SNTG1: variants seen among roughly 807,000 people sequenced by gnomAD.
SNTG1 encodes the protein syntrophin gamma 1.
In SNTG1, 39 loss-of-function variants were observed where a neutral mutation model predicts 74.7. The observed-to-expected ratio is 0.52, with a 90% confidence interval of 0.40 to 0.68. SNTG1 has a LOEUF of 0.68. Among genes scored for constraint, SNTG1 ranks in the 30% least tolerant of loss-of-function variants. The pLI is 0.00. For synonymous variants in SNTG1, 254 were observed against 217.1 expected, an observed-to-expected ratio of 1.17 and a Z score of -1.49; for missense variants, 685 against 609.5, an observed-to-expected ratio of 1.12 and a Z score of -1.30.
chr8:50,402,653 G>T (rs2131356027), intron 4 of SNTG1, among the ~76,000 whole-genome samples: 1 of 152,258 alleles, frequency 6.6e-6, no homozygotes. Flanking sequence ...TGAGAACTGT[G>T]CATGGTGATG....
At chr8:50,394,444 G>A (rs2092702483) in intron 3 of SNTG1, among the ~76,000 whole-genome samples, 179 bp downstream of exon 3, 1 of 152,140 alleles carries the variant, frequency 6.6e-6, no homozygotes, top group Non-Finnish European at 1.5e-5. Context: ...AACTGTGCAT[G>A]GAAAGCCTTG....
intron 2 of SNTG1, among the ~76,000 whole-genome samples, chr8:50,226,663 G>GC (rs571827033): frequency 0.25 from 38,002 of 151,784 alleles, 5,319 homozygotes; most frequent in African/African-American, 0.38. Flanking sequence ...TAATCTGGAA[G>GC]CCCCCCCACC....
At chr8:50,745,491 C>T (rs982374376) in intron 17 of SNTG1, among the ~76,000 whole-genome samples, 1 of 151,982 alleles carries the variant, frequency 6.6e-6, no homozygotes, top group African/African-American at 2.4e-5. Flanking sequence ...CTCTGAAAAA[C>T]ATTTGGTGGT....
At chr8:50,476,683 A>G (rs768343980) in intron 8 of SNTG1, among the ~76,000 whole-genome samples, 2 of 152,186 alleles carry the variant, frequency 1.3e-5, no homozygotes, top group Non-Finnish European at 2.9e-5. Flanking sequence ...TTATAAACCT[A>G]CTAGATTTTT....
intron 1 of SNTG1, among the ~76,000 whole-genome samples, chr8:49,930,997 G>A (rs1807533757): frequency 6.6e-6 from 1 of 152,000 alleles, no homozygotes; most frequent in Non-Finnish European, 1.5e-5. Flanking sequence ...CCTACCTAAA[G>A]CAATAAGAAA....
chr8:49,932,775 T>G (rs1018842774), intron 1 of SNTG1, among the ~76,000 whole-genome samples: 1 of 152,098 alleles, frequency 6.6e-6, no homozygotes, highest in African/African-American at 2.4e-5. Flanking sequence ...CACTCCTCAT[T>G]CTCCTTTCCT....
intron 2 of SNTG1, among the ~76,000 whole-genome samples, chr8:50,386,003 G>T (rs1272103274): frequency 6.6e-6 from 1 of 152,170 alleles, no homozygotes; most frequent in Non-Finnish European, 1.5e-5. Flanking sequence ...ATATCTCGAG[G>T]AAAGTGGTAT....
At chr8:50,098,310 A>G (rs1012130368) in intron 1 of SNTG1, among the ~76,000 whole-genome samples, 3 of 152,198 alleles carry the variant, frequency 2.0e-5, no homozygotes, top group African/African-American at 7.2e-5. Flanking sequence ...AGATAGGGTA[A>G]TATACAGTGG....
At chr8:50,318,123 A>G (rs1315500608) in intron 2 of SNTG1, among the ~76,000 whole-genome samples, 4 of 152,004 alleles carry the variant, frequency 2.6e-5, no homozygotes. Context: ...GGCGTGAGCC[A>G]CCGAGCCCAG....
intron 1 of SNTG1, among the ~76,000 whole-genome samples, chr8:50,055,762 C>G (rs2130905394): frequency 6.6e-6 from 1 of 152,198 alleles, no homozygotes; most frequent in East Asian, 1.9e-4. Context: ...TAACTCATAA[C>G]CCATTCTTTT....
At chr8:50,548,749 T>A (rs535745729) in intron 11 of SNTG1, among the ~76,000 whole-genome samples, 1 of 152,176 alleles carries the variant, frequency 6.6e-6, no homozygotes, top group South Asian at 2.1e-4. Context: ...TCCAAATACA[T>A]GGGTTAAAGA....
intron 17 of SNTG1, among the ~76,000 whole-genome samples, chr8:50,732,549 A>G (rs2095515426): frequency 6.6e-6 from 1 of 151,964 alleles, no homozygotes; most frequent in African/African-American, 2.4e-5. Context: ...ATATTCATTA[A>G]TAATAAGGTG....
intron 1 of SNTG1, among the ~76,000 whole-genome samples, chr8:49,979,320 G>A (rs1338126908): frequency 1.3e-5 from 2 of 152,202 alleles, no homozygotes; most frequent in East Asian, 1.9e-4. Flanking sequence ...CCCAGAGCAC[G>A]GATGGGCCCA....
intron 1 of SNTG1, among the ~76,000 whole-genome samples, chr8:49,913,682 C>T (rs984143006): frequency 1.3e-5 from 2 of 152,150 alleles, no homozygotes; most frequent in African/African-American, 4.8e-5. Context: ...CTACAATGTG[C>T]TCTTAACACA....
chr8:50,079,941 G>A (rs1226685355), intron 1 of SNTG1, among the ~76,000 whole-genome samples: 3 of 152,102 alleles, frequency 2.0e-5, no homozygotes, highest in Non-Finnish European at 2.9e-5. Context: ...TGCTGTTTTG[G>A]TTACTGTAGC....
At chr8:50,594,379 A>G (rs2094712996) in intron 13 of SNTG1, among the ~76,000 whole-genome samples, 2 of 152,180 alleles carry the variant, frequency 1.3e-5, no homozygotes, top group Non-Finnish European at 2.9e-5. Context: ...GAGTAACATT[A>G]TAAAGTATTA....
intron 17 of SNTG1, among the ~76,000 whole-genome samples, chr8:50,732,219 T>C (rs545217301): frequency 1.3e-5 from 2 of 152,096 alleles, no homozygotes; most frequent in Admixed American, 6.6e-5. Flanking sequence ...GTAATTACTA[T>C]ATATAAAATA....
intron 3 of SNTG1, among the ~76,000 whole-genome samples, chr8:50,400,008 G>T (rs918684873): frequency 6.6e-6 from 1 of 152,168 alleles, no homozygotes; most frequent in Non-Finnish European, 1.5e-5. Context: ...ATATAAGAGT[G>T]TATATGATAG....
intron 1 of SNTG1, among the ~76,000 whole-genome samples, chr8:50,155,689 A>G (rs998194138): frequency 7.2e-5 from 11 of 152,124 alleles, no homozygotes; most frequent in Admixed American, 7.2e-4. Context: ...TATAGCCTTA[A>G]TTTTTTATAT....
Sources: gnomAD v4.1 joint callset for allele counts (sites outside exome capture counted in the v4.1 genomes callset) on GRCh38, gnomAD v4.1.1 for gene constraint, MANE v1.5 for transcripts, NCBI Gene and HGNC (gene_info 2026-07-23, HGNC 2026-07-21) for gene names.